The following EPS8 variants were observed in gnomAD, a reference collection of about 807,000 sequenced individuals.
EPS8 encodes epidermal growth factor receptor kinase substrate 8.
EPS8 carries 42 observed loss-of-function variants against 103.8 expected under a neutral mutation model. The ratio of observed to expected loss-of-function variants is 0.40; its 90% CI spans 0.32 to 0.52. The LOEUF (loss-of-function observed/expected upper bound fraction) is 0.52. EPS8 is among the 20% of genes least tolerant of loss of function. EPS8 has a pLI of 0.40. For missense variants in EPS8, 969 were observed against 1,005.1 expected (o/e 0.96, Z 0.49); for synonymous variants, 344 against 344.6 (o/e 1.00, Z 0.02).
At chr12:15,657,262 G>T (rs1457993956) in intron 12 of EPS8, among the ~76,000 whole-genome samples, 3 of 151,992 alleles carry the variant, frequency 2.0e-5, no homozygotes, top group Admixed American at 2.0e-4. Flanking sequence ...CTTCTTTCAG[G>T]GATCCACATG....
intron 1 of EPS8, among the ~76,000 whole-genome samples, chr12:15,732,068 T>C (rs1946722828): frequency 6.6e-6 from 1 of 152,212 alleles, no homozygotes; most frequent in African/African-American, 2.4e-5. Flanking sequence ...ACGCATTTCA[T>C]AAAACTCTAA....
chr12:15,665,701 C>A (rs1945695442), intron 8 of EPS8, 55 bp downstream of exon 8: 5 of 1,595,574 alleles, frequency 3.1e-6, no homozygotes, highest in Non-Finnish European at 4.3e-6. Context: ...AAAGCAAGAA[C>A]TATGTCCCAA....
rs746324415 is a variant in EPS8, at chr12:15,654,096, T to C, written c.1250+49A>G. ...AAATAAATGTCTCATTAGATCCATG[T>C]AATTAACAAAGAATGGTACTTAAGG... is the stretch of plus-strand genomic sequence containing the variant. On this transcript the variant is annotated intron_variant, in intron 13 of 20. Coordinates refer to ENST00000281172, the MANE Select transcript of EPS8 (RefSeq NM_004447.6). The C allele has an allele frequency of 6.5e-6, 10 of 1,537,940 alleles. No individual in the cohort carries two copies. In the South Asian group the frequency reaches 1.0e-4, roughly 16 times the overall value.
intron 8 of EPS8, chr12:15,662,338 T>C: frequency 2.4e-6 from 3 of 1,244,854 alleles, no homozygotes; most frequent in Non-Finnish European, 3.0e-6. Context: ...TAATTTACCT[T>C]GTAATATCAC....
intron 1 of EPS8, among the ~76,000 whole-genome samples, chr12:15,741,378 G>A (rs1946821044): frequency 6.6e-6 from 1 of 152,104 alleles, no homozygotes. Context: ...ACTTTAGGTG[G>A]GTGACTCAGT....
intron 7 of EPS8, among the ~76,000 whole-genome samples, chr12:15,666,094 A>AT (rs1257719780): frequency 6.6e-6 from 1 of 152,154 alleles, no homozygotes; most frequent in Non-Finnish European, 1.5e-5. Context: ...AACTAGGTTG[A>AT]TTTTCCTTCT....
At chr12:15,655,834 G>A (rs924629547) in intron 12 of EPS8, among the ~76,000 whole-genome samples, 2 of 152,208 alleles carry the variant, frequency 1.3e-5, no homozygotes, top group African/African-American at 4.8e-5. Context: ...CAACTCGCAG[G>A]TGTAAAGCCA....
In EPS8 at chr12:15,711,972, CTTAT is replaced by C. The variant is rs544017806; in HGVS notation, c.-21-29004_-21-29001del. Among the ~76,000 whole-genome samples, 61 of 152,136 alleles carry C rather than the reference CTTAT, an allele frequency of 4.0e-4. No homozygotes were observed. The South Asian group carries it at 0.012, about 30-fold the overall frequency. On this transcript the variant is annotated intron_variant, in intron 1 of 20. Transcript: ENST00000281172. ...AGTCTGTGTTACAATGTTATTAGCTCTTATTTGTTTTTAAATAGCCTTGCACTTA... is the reference window on the plus strand; with the variant it reads ...AGTCTGTGTTACAATGTTATTAGCTCTTGTTTTTAAATAGCCTTGCACTTA...
rs1565520384 is a variant in EPS8, at chr12:15,727,866, A to G, written c.-21-44894T>C. ...GAGCGAGACTCCATCCCCAAAAAAA[A>G]TAAAATAAAATAAATAAGTCTAGTT... On this transcript the variant is annotated intron_variant, in intron 1 of 20. Transcript: ENST00000281172. The surrounding 1 kb of genome is among the most constrained non-coding windows in gnomAD (Gnocchi z 4.3). Among the ~76,000 whole-genome samples, 2 of 152,222 alleles carry G rather than the reference A, an allele frequency of 1.3e-5. No homozygotes were observed. Among genetic ancestry groups the G allele is most frequent in the East Asian group, 3.8e-4 (2 of 5,202 alleles).
intron 1 of EPS8, among the ~76,000 whole-genome samples, chr12:15,729,347 T>C (rs1053470399): frequency 6.6e-6 from 1 of 152,224 alleles, no homozygotes; most frequent in Non-Finnish European, 1.5e-5. Context: ...AATATTTCTT[T>C]TGATCCTTTC....
chr12:15,643,560 TGAAACCCCATCTCTACTAA>T (rs1029026283), intron 15 of EPS8, among the ~76,000 whole-genome samples: 16 of 152,012 alleles, frequency 1.1e-4, no homozygotes, highest in African/African-American at 2.7e-4. Flanking sequence ...TCCAATATCG[TGAAACCCCATCTCTACTAA>T]AAATACAAAA....
chr12:15,722,331 C>A (rs567574997), intron 1 of EPS8, among the ~76,000 whole-genome samples: 1 of 152,082 alleles, frequency 6.6e-6, no homozygotes, highest in Non-Finnish European at 1.5e-5. Flanking sequence ...ATTACCCCCC[C>A]CAAAAATTAT....
chr12:15,732,237 A>G (rs1172149969), intron 1 of EPS8, among the ~76,000 whole-genome samples: 1 of 152,206 alleles, frequency 6.6e-6, no homozygotes. Flanking sequence ...ACTACACACA[A>G]TTTGTCAAGG....
chr12:15,716,506 G>A lies in EPS8; in HGVS notation c.-21-33534C>T, dbSNP rs145811492. ...TAAGCAAAGCTCATGGGTATTTGCT[G>A]ATTCCTTCAGTTTTCTATGATAGGG... On this transcript the variant is annotated intron_variant, in intron 1 of 20. Transcript: ENST00000281172. The surrounding 1 kb of genome is among the most constrained non-coding windows in gnomAD (Gnocchi z 5.0). 2.7e-3 allele frequency among the ~76,000 whole-genome samples: 418 copies of A among 152,232 alleles called. 6 individuals are homozygous for A. The highest frequency in any genetic ancestry group is 7.4e-4 in the Non-Finnish European group (50 of 68,024).
In EPS8 at chr12:15,662,924, C is replaced by CA. The variant is rs1041303716; in HGVS notation, c.737-826dup. On this transcript the variant is annotated intron_variant, in intron 8 of 20. Coordinates refer to ENST00000281172, the MANE Select transcript of EPS8 (RefSeq NM_004447.6). Reference sequence around the variant, plus strand: ...TCATGATGTTCAATAGAGAGAACTGCAAAAAAAAATTGGACACTTTGTATT... The same window carrying CA: ...TCATGATGTTCAATAGAGAGAACTGCAAAAAAAAAATTGGACACTTTGTATT... 1.4e-3 allele frequency among the ~76,000 whole-genome samples: 197 copies of CA among 139,104 alleles called. 1 individual carries two copies. Among genetic ancestry groups the CA allele is most frequent in the African/African-American group, 5.1e-3 (190 of 37,486 alleles). 91.3% of individuals were successfully genotyped at this position (139,104 alleles called of 152,430 possible).
At position 15,733,042 on chromosome 12, in the gene EPS8, G is replaced by A. The variant is rs978060012; in HGVS notation, c.-21-50070C>T. On this transcript the variant is annotated intron_variant, in intron 1 of 20. Transcript: ENST00000281172. The surrounding 1 kb of genome is among the most constrained non-coding windows in gnomAD (Gnocchi z 4.8). ...CCTAAATAATGGAGTACATGGAGAT[G>A]ATTTTACTAGCAGCTGACCAGCATT... 6.6e-6 allele frequency among the ~76,000 whole-genome samples: 1 copy of A among 152,170 alleles called. No homozygotes were observed. The highest frequency in any genetic ancestry group is 1.5e-5 in the Non-Finnish European group (1 of 68,032).
intron 1 of EPS8, among the ~76,000 whole-genome samples, chr12:15,741,011 C>T (rs1337921053): frequency 6.6e-6 from 1 of 152,076 alleles, no homozygotes; most frequent in African/African-American, 2.4e-5. Flanking sequence ...GTCCTAAAGT[C>T]CAAATTCCCA....
intron 1 of EPS8, among the ~76,000 whole-genome samples, chr12:15,722,277 G>A (rs1305523123): frequency 6.6e-6 from 1 of 151,476 alleles, no homozygotes; most frequent in East Asian, 1.9e-4. Flanking sequence ...AAGCTGTCCT[G>A]GGCCTCAGGT....
rs181528216 is a variant in EPS8 at position 15,649,622 on chromosome 12, A to G, written c.1434+1201T>C. Among the ~76,000 whole-genome samples, 574 of 151,242 alleles carry G rather than the reference A, an allele frequency of 3.8e-3. 3 individuals carry two copies. Among genetic ancestry groups the G allele is most frequent in the African/African-American group, 0.013 (546 of 41,348 alleles). On this transcript the variant is annotated intron_variant, in intron 14 of 20. Coordinates refer to ENST00000281172, the MANE Select transcript of EPS8 (RefSeq NM_004447.6). ...CTTCCCTTATAATACAGCCAGAGGG[A>G]AAAAAAAATTGCATTAGGAAAAAAT...
Sources: allele counts gnomAD v4.1 joint callset (sites outside exome capture counted in the v4.1 genomes callset), GRCh38; gene constraint gnomAD v4.1.1; non-coding constraint Gnocchi (gnomAD v3.1); transcripts MANE v1.5; gene names NCBI Gene and HGNC (gene_info 2026-07-23, HGNC 2026-07-21).